Variants in CD6 observed in about 807,000 individuals in gnomAD.
CD6 encodes CD6 molecule.
CD6 carries 53 observed loss-of-function variants against 75.3 expected under a neutral mutation model. The ratio of observed to expected loss-of-function variants is 0.70; its 90% CI spans 0.56 to 0.88. CD6 has a LOEUF of 0.88. CD6 is among the 40% of genes least tolerant of loss of function. The pLI is 0.00. For missense variants in CD6, 770 were observed against 897.1 expected (o/e 0.86, Z 1.81); for synonymous variants, 359 against 381.5 (o/e 0.94, Z 0.69).
In CD6 at chr11:60,975,166, C is replaced by T. The variant is rs113059590; in HGVS notation, c.49+3252C>T. 2.8e-3 allele frequency among the ~76,000 whole-genome samples: 423 copies of T among 152,248 alleles called. 4 individuals carry two copies. The highest frequency in any genetic ancestry group is 9.6e-3 in the African/African-American group (397 of 41,532). ...CCCTGTAATTTTGATTAATGACTTT[C>T]GATGGGCCTTTAATATTTGAGCAAA... is the stretch of plus-strand genomic sequence containing the variant. On this transcript the variant is annotated intron_variant, in intron 1 of 12. Coordinates refer to ENST00000313421, the MANE Select transcript of CD6 (RefSeq NM_006725.5).
chr11:61,011,402 G>C (rs966111878), intron 6 of CD6, among the ~76,000 whole-genome samples: 12 of 149,344 alleles, frequency 8.0e-5, no homozygotes, highest in African/African-American at 2.7e-4. Flanking sequence ...CCTGTGAGCT[G>C]CTGGAGGGCA....
intron 1 of CD6, among the ~76,000 whole-genome samples, chr11:61,005,568 G>A (rs1858808792): frequency 6.6e-6 from 1 of 152,150 alleles, no homozygotes; most frequent in South Asian, 2.1e-4. Flanking sequence ...ACTGATTTTT[G>A]CTTTTGGAGC....
chr11:60,990,709 C>T (rs574196799), intron 1 of CD6, among the ~76,000 whole-genome samples: 3 of 151,898 alleles, frequency 2.0e-5, no homozygotes, highest in Non-Finnish European at 4.4e-5. Flanking sequence ...CCCTTTTCTC[C>T]CACATTTTTA....
intron 2 of CD6, 100 bp downstream of exon 2, chr11:61,006,742 C>T (rs1858878758): frequency 1.0e-6 from 1 of 956,326 alleles, no homozygotes; most frequent in Non-Finnish European, 1.6e-6. Context: ...ACCAGGGAGG[C>T]TCCCTGACTT....
intron 1 of CD6, among the ~76,000 whole-genome samples, chr11:60,993,194 C>A (rs938994055): frequency 4.9e-4 from 75 of 152,134 alleles, no homozygotes; most frequent in Non-Finnish European, 8.2e-4. Flanking sequence ...ACATCTCCTC[C>A]CTAGGAACAC....
Position 61,007,688 on chromosome 11 carries a change from T to C in CD6, c.247T>C (p.Cys83Arg). 7.1e-7 allele frequency: 1 copy of C among 1,410,240 alleles called. No homozygotes were observed. The highest frequency in any genetic ancestry group is 9.2e-7 in the Non-Finnish European group (1 of 1,082,530). 87.4% of individuals were successfully genotyped at this position (1,410,240 alleles called of 1,614,324 possible). A position where few individuals can be genotyped will look rare whatever the true frequency, so the allele number is the denominator to read the frequency against. Residue 83 changes from cysteine (C) to arginine (R), a missense_variant, in exon 3 of 13, where the codon TGC becomes CGC. Physicochemically the swap from Cys to Arg is radical, Grantham distance 180. Coordinates refer to ENST00000313421, the MANE Select transcript of CD6 (RefSeq NM_006725.5). The surrounding 1 kb of genome is among the most constrained non-coding windows in gnomAD (Gnocchi z 4.2). The stretch of plus-strand genomic sequence containing the variant: ...GGACAGCCGCGCCGCCGAGGCCGTG[T>C]GCCGAGCACTGGGCTGCGGCGGGGC... ...LWDSRAAEAV[C>R]RALGCGGAEA...
chr11:61,017,589 C>A (rs762789014), intron 10 of CD6, 39 bp downstream of exon 10: 2 of 1,559,290 alleles, frequency 1.3e-6, no homozygotes, highest in Non-Finnish European at 1.8e-6. Flanking sequence ...GGCAGTCCCA[C>A]CTCCAGAGAG....
intron 1 of CD6, among the ~76,000 whole-genome samples, chr11:60,998,404 AG>A (rs1438462596): frequency 6.6e-6 from 1 of 152,232 alleles, no homozygotes; most frequent in Non-Finnish European, 1.5e-5. Context: ...GGACTGGACA[AG>A]ATCAAAATCT....
In CD6 at chr11:61,017,995, AC is replaced by A; in HGVS notation, c.1822del (p.Gln608SerfsTer173). On this transcript the variant is annotated frameshift_variant, in exon 11 of 13. Transcript: ENST00000313421. LOFTEE classifies it high-confidence loss of function. ...EQPPNLELAG[T>X]QPAFSAGPPA... ...GCCCCCAAACTTGGAGCTGGCCGGC[AC>A]CCAGCCAGCCTTTTCAGGTAAGCTG... is the stretch of plus-strand genomic sequence containing the variant. The A allele has an allele frequency of 6.2e-7, 1 of 1,611,428 alleles. No individual in the cohort carries two copies. Among genetic ancestry groups the A allele is most frequent in the Non-Finnish European group, 8.5e-7 (1 of 1,179,730 alleles).
At chr11:61,002,810 A>G (rs550132489) in intron 1 of CD6, among the ~76,000 whole-genome samples, 3 of 152,326 alleles carry the variant, frequency 2.0e-5, no homozygotes, top group East Asian at 3.9e-4. Flanking sequence ...AAGGCGTCAC[A>G]TGGCCAGAGA....
chr11:60,993,090 C>T (rs1035011906), intron 1 of CD6, among the ~76,000 whole-genome samples: 3 of 152,112 alleles, frequency 2.0e-5, no homozygotes, highest in Admixed American at 6.6e-5. Flanking sequence ...AAAGAAGGCA[C>T]GGTCTGGCAC....
At chr11:60,987,313 T>C (rs1005621085) in intron 1 of CD6, among the ~76,000 whole-genome samples, 1 of 152,190 alleles carries the variant, frequency 6.6e-6, no homozygotes, top group African/African-American at 2.4e-5. Context: ...TAAAATGGTG[T>C]TCTTATGTGC....
intron 1 of CD6, among the ~76,000 whole-genome samples, chr11:60,990,315 C>G (rs187356812): frequency 6.6e-6 from 1 of 152,298 alleles, no homozygotes; most frequent in African/African-American, 2.4e-5. Context: ...ACCTTTGCCT[C>G]CTGGGTTCAA....
intron 12 of CD6, 152 bp from the exon 13 acceptor site, chr11:61,019,102 G>T (rs1859560063): frequency 1.6e-6 from 1 of 615,560 alleles, no homozygotes. Flanking sequence ...TGATGTTCTA[G>T]TCAGGGACAT....
intron 1 of CD6, among the ~76,000 whole-genome samples, chr11:60,996,078 A>T (rs1858282356): frequency 6.6e-6 from 1 of 152,206 alleles, no homozygotes; most frequent in South Asian, 2.1e-4. Context: ...GCAAGCAGAC[A>T]GCCTGGGTTC....
chr11:60,982,249 T>C (rs767503162), intron 1 of CD6, among the ~76,000 whole-genome samples: 20 of 151,718 alleles, frequency 1.3e-4, no homozygotes, highest in Admixed American at 3.9e-4. Context: ...CTTGGAGTCA[T>C]GTACTGAGCC....
chr11:61,013,883 A>G (rs1373056750), intron 7 of CD6, 36 bp from the exon 8 acceptor site: 1 of 1,501,532 alleles, frequency 6.7e-7, no homozygotes. Context: ...GAGGGCAAAA[A>G]AATGACTTGT....
chr11:60,973,840 C>G (rs1241826235), intron 1 of CD6, among the ~76,000 whole-genome samples: 1 of 152,162 alleles, frequency 6.6e-6, no homozygotes, highest in East Asian at 1.9e-4. Context: ...GGGTGTATGT[C>G]CTACTGCTGA....
At chr11:60,972,029 G>C in intron 1 of CD6, 115 bp downstream of exon 1, 7 of 1,079,788 alleles carry the variant, frequency 6.5e-6, no homozygotes, top group Middle Eastern at 2.0e-4. Flanking sequence ...TTTTAGCCAA[G>C]ACTACACTCA....
Sources: allele counts gnomAD v4.1 joint callset (sites outside exome capture counted in the v4.1 genomes callset), GRCh38; gene constraint gnomAD v4.1.1; non-coding constraint Gnocchi (gnomAD v3.1); transcripts MANE v1.5; gene names NCBI Gene and HGNC (gene_info 2026-07-23, HGNC 2026-07-21).